The following CDH13 variants were observed in gnomAD, a reference collection of about 807,000 sequenced individuals.
CDH13 encodes cadherin-13.
In CDH13, 24 loss-of-function variants were observed where a neutral mutation model predicts 63.8. The observed-to-expected ratio is 0.38, with a 90% CI of 0.27 to 0.53. CDH13 has a LOEUF of 0.53. Ranked by LOEUF, CDH13 falls within the 20% of genes least tolerant of loss-of-function variation. The probability of loss-of-function intolerance (pLI) is 0.85; values close to 1 mark genes in which losing one functional copy is unlikely to be tolerated. For missense variants in CDH13, 1,049 were observed against 903.1 expected (o/e 1.16, Z -2.07); for synonymous variants, 503 against 355.3 (o/e 1.42, Z -4.67).
intron 6 of CDH13, among the ~76,000 whole-genome samples, chr16:83,380,302 A>G (rs1021565360): frequency 3.3e-5 from 5 of 152,262 alleles, no homozygotes; most frequent in East Asian, 1.9e-4. Flanking sequence ...TTTTCATACT[A>G]TTGTTCTTTG....
At chr16:83,474,068 A>C (rs1350498818) in intron 6 of CDH13, among the ~76,000 whole-genome samples, 1 of 152,124 alleles carries the variant, frequency 6.6e-6, no homozygotes, top group African/African-American at 2.4e-5. Flanking sequence ...GCCAGTAGTG[A>C]TGATGGAGTG....
At chr16:82,971,938 G>T (rs1277875133) in intron 2 of CDH13, among the ~76,000 whole-genome samples, 2 of 152,122 alleles carry the variant, frequency 1.3e-5, no homozygotes, top group African/African-American at 4.8e-5. Context: ...ACCTGTGTGG[G>T]GAGCCTCTTC....
At chr16:82,791,688 C>G (rs759869622) in intron 1 of CDH13, among the ~76,000 whole-genome samples, 1 of 152,196 alleles carries the variant, frequency 6.6e-6, no homozygotes, top group African/African-American at 2.4e-5. Context: ...CCTGATCCAG[C>G]GAGGCTCCCA....
chr16:82,716,376 T>C (rs2032373009), intron 1 of CDH13, among the ~76,000 whole-genome samples: 2 of 151,968 alleles, frequency 1.3e-5, no homozygotes, highest in African/African-American at 4.8e-5. Flanking sequence ...GGATCCAAAT[T>C]AGAGATGGCT....
chr16:83,182,804 T>G (rs1360605546), intron 4 of CDH13, among the ~76,000 whole-genome samples: 2 of 152,176 alleles, frequency 1.3e-5, no homozygotes, highest in Admixed American at 1.3e-4. Flanking sequence ...TAAAGTAAAA[T>G]GAGACTGATT....
At chr16:83,231,584 G>T (rs777917783) in intron 5 of CDH13, among the ~76,000 whole-genome samples, 2 of 152,158 alleles carry the variant, frequency 1.3e-5, no homozygotes, top group Non-Finnish European at 2.9e-5. Context: ...GAAGTAGGGG[G>T]TCTGCAAACT....
chr16:83,573,600 C>A (rs760317854), intron 7 of CDH13, among the ~76,000 whole-genome samples: 14 of 152,062 alleles, frequency 9.2e-5, no homozygotes, highest in Non-Finnish European at 1.6e-4. Context: ...TGCACAGTTG[C>A]CATAATTGAT....
intron 7 of CDH13, among the ~76,000 whole-genome samples, chr16:83,517,257 A>T (rs2074718342): frequency 6.6e-6 from 1 of 152,248 alleles, no homozygotes; most frequent in Non-Finnish European, 1.5e-5. Flanking sequence ...GCTCATAAAG[A>T]GATTATCAAT....
intron 8 of CDH13, among the ~76,000 whole-genome samples, chr16:83,605,917 G>T (rs897438389): frequency 1.3e-5 from 2 of 152,200 alleles, no homozygotes; most frequent in Admixed American, 6.5e-5. Flanking sequence ...GGCAGAATCT[G>T]TAAAATGCAT....
At chr16:82,814,558 G>A (rs1420258427) in intron 1 of CDH13, among the ~76,000 whole-genome samples, 6 of 152,118 alleles carry the variant, frequency 3.9e-5, no homozygotes, top group Admixed American at 3.9e-4. Context: ...TCTGGAGGGT[G>A]GTGTGCCCAC....
At chr16:83,010,489 C>T (rs79138579) in intron 2 of CDH13, among the ~76,000 whole-genome samples, 4,854 of 152,214 alleles carry the variant, frequency 0.032, 105 homozygotes, top group Non-Finnish European at 0.045. Flanking sequence ...TCACTTTCTC[C>T]TGATTTATCT....
At chr16:83,091,165 C>T (rs1323466896) in intron 3 of CDH13, among the ~76,000 whole-genome samples, 5 of 151,972 alleles carry the variant, frequency 3.3e-5, no homozygotes, top group Admixed American at 6.6e-5. Context: ...TCTCCTTCTT[C>T]CTTTCTCTCT....
intron 2 of CDH13, among the ~76,000 whole-genome samples, chr16:82,903,650 C>T (rs574342338): frequency 6.6e-6 from 1 of 152,142 alleles, no homozygotes; most frequent in Non-Finnish European, 1.5e-5. Context: ...TGGAAACTTT[C>T]TACTTGGAAT....
intron 5 of CDH13, among the ~76,000 whole-genome samples, chr16:83,235,667 C>A (rs1409185852): frequency 1.4e-5 from 2 of 145,636 alleles, no homozygotes; most frequent in East Asian, 4.2e-4. Flanking sequence ...GGCCATTTGT[C>A]TTTGGTACCT....
At chr16:82,859,005 C>T (rs778731709) in intron 2 of CDH13, 1 of 153,864 alleles carries the variant, frequency 6.5e-6, no homozygotes, top group Non-Finnish European at 1.4e-5. Context: ...TTAAGCTCAA[C>T]TCATCCTGAA....
Position 83,125,447 on chromosome 16 carries a change from T to TCC in CDH13, c.431_432dup (p.Ile145ProfsTer3). 6.2e-7 allele frequency: 1 copy of TCC among 1,612,524 alleles called. No individual in the cohort carries two copies. The highest frequency in any genetic ancestry group is 8.5e-7 in the Non-Finnish European group (1 of 1,178,602). On this transcript the variant is annotated frameshift_variant, in exon 4 of 14. Transcript: ENST00000567109. LOFTEE classifies it high-confidence loss of function. ...GACAAAAGAGGTCCATTGTGGTATCTCCCATTTTAATTCCAGAGAATCAGA... is the reference window on the plus strand; with the variant it reads ...GACAAAAGAGGTCCATTGTGGTATCTCCCCCATTTTAATTCCAGAGAATCAGA...
intron 5 of CDH13, among the ~76,000 whole-genome samples, chr16:83,313,270 A>T (rs913440759): frequency 6.6e-6 from 1 of 152,208 alleles, no homozygotes; most frequent in African/African-American, 2.4e-5. Flanking sequence ...ATATTTTGAA[A>T]GGTGCATTGG....
At chr16:83,400,893 T>A (rs2091958198) in intron 6 of CDH13, among the ~76,000 whole-genome samples, 1 of 152,136 alleles carries the variant, frequency 6.6e-6, no homozygotes, top group African/African-American at 2.4e-5. Context: ...GTATCATTGC[T>A]CCTACTAATG....
chr16:83,382,304 C>G (rs181124122), intron 6 of CDH13, among the ~76,000 whole-genome samples: 1 of 152,270 alleles, frequency 6.6e-6, no homozygotes, highest in East Asian at 1.9e-4. Flanking sequence ...CCACCATCAT[C>G]CTTAATTGGT....
Sources: gnomAD v4.1 joint callset for allele counts (sites outside exome capture counted in the v4.1 genomes callset) on GRCh38, gnomAD v4.1.1 for gene constraint, MANE v1.5 for transcripts, NCBI Gene and HGNC (gene_info 2026-07-23, HGNC 2026-07-21) for gene names.